Variants in PRDM10 observed in about 807,000 individuals in gnomAD.
PRDM10 encodes the protein PR/SET domain 10, also known as PR domain zinc finger protein 10.
A neutral mutation model predicts 133.1 loss-of-function variants in PRDM10; 65 were observed. The observed-to-expected ratio is 0.49, with a 90% confidence interval of 0.40 to 0.60. PRDM10 has a LOEUF of 0.60. PRDM10 is among the 20% of genes least tolerant of loss of function. The pLI is 0.00. For synonymous variants in PRDM10, 582 were observed against 580.4 expected, an observed-to-expected ratio of 1.00 and a Z score of -0.04; for missense variants, 1,137 against 1,507.1, an observed-to-expected ratio of 0.75 and a Z score of 4.07.
At chr11:129,954,450 A>C (rs535352143) in intron 4 of PRDM10, among the ~76,000 whole-genome samples, 1 of 152,048 alleles carries the variant, frequency 6.6e-6, no homozygotes, top group African/African-American at 2.4e-5. Flanking sequence ...TTTTTAGTAG[A>C]GACAGGGTTT....
chr11:129,934,154 C>A (rs1043070098), intron 9 of PRDM10, among the ~76,000 whole-genome samples: 8 of 152,222 alleles, frequency 5.3e-5, no homozygotes, highest in Non-Finnish European at 2.9e-5. Context: ...AAAGCCACAA[C>A]CCTGTGTAAT....
At chr11:129,950,167 G>A (rs906822603) in intron 4 of PRDM10, among the ~76,000 whole-genome samples, 22 of 152,200 alleles carry the variant, frequency 1.4e-4, no homozygotes, top group African/African-American at 5.1e-4. Flanking sequence ...AGCCCAGGAG[G>A]TTGAGGCTGC....
chr11:129,952,681 T>C (rs780895810), intron 4 of PRDM10, among the ~76,000 whole-genome samples: 5 of 151,976 alleles, frequency 3.3e-5, no homozygotes, highest in Non-Finnish European at 7.4e-5. Flanking sequence ...CATGCCTGGC[T>C]AATTTTTTTA....
chr11:129,908,226 C>CT (rs1820974764), intron 19 of PRDM10, among the ~76,000 whole-genome samples: 2 of 151,742 alleles, frequency 1.3e-5, no homozygotes, highest in African/African-American at 4.8e-5. Context: ...AATACCAGCA[C>CT]TTTGGGAGCC....
At chr11:129,955,758 A>G (rs1383047823) in intron 3 of PRDM10, among the ~76,000 whole-genome samples, 187 bp from the exon 4 acceptor site, 1 of 152,238 alleles carries the variant, frequency 6.6e-6, no homozygotes, top group Non-Finnish European at 1.5e-5. Flanking sequence ...TTTCATTCAC[A>G]TGGCTCCAAA....
chr11:129,902,698 AG>A (rs1284439871), intron 20 of PRDM10, among the ~76,000 whole-genome samples, 182 bp from the exon 21 acceptor site: 1 of 152,168 alleles, frequency 6.6e-6, no homozygotes. Flanking sequence ...GACAAAGATA[AG>A]CTCCTTAAAG....
At position 129,923,128 on chromosome 11, in the gene PRDM10, C is replaced by T; in HGVS notation, c.2034+120G>A. 8.2e-7 allele frequency: 1 copy of T among 1,221,106 alleles called. No homozygotes were observed. Among genetic ancestry groups the T allele is most frequent in the Non-Finnish European group, 1.1e-6 (1 of 911,092 alleles). 75.6% of individuals were successfully genotyped at this position (1,221,106 alleles called of 1,614,324 possible). On this transcript the variant is annotated intron_variant, in intron 13 of 20. Transcript: ENST00000360871. The surrounding 1 kb of genome is among the most constrained non-coding windows in gnomAD (Gnocchi z 4.4). Reference sequence around the variant, plus strand: ...GTCAAACACAAGGCCCAAAGAGTATCTCAGGTCCAGTTCATCAGAGGTGGG... The same window carrying T: ...GTCAAACACAAGGCCCAAAGAGTATTTCAGGTCCAGTTCATCAGAGGTGGG...
chr11:129,980,134 G>A (rs1011371777), intron 1 of PRDM10, among the ~76,000 whole-genome samples: 4 of 152,160 alleles, frequency 2.6e-5, no homozygotes, highest in African/African-American at 9.7e-5. Flanking sequence ...AAACAAGCTG[G>A]CAGTTCCTGG....
intron 4 of PRDM10, among the ~76,000 whole-genome samples, chr11:129,955,184 CA>C (rs1951673577): frequency 6.6e-6 from 1 of 152,002 alleles, no homozygotes; most frequent in Non-Finnish European, 1.5e-5. Flanking sequence ...AGAGCAAGTA[CA>C]AAAGCTATAT....
intron 1 of PRDM10, among the ~76,000 whole-genome samples, chr11:129,994,787 G>A (rs1938960767): frequency 6.6e-6 from 1 of 151,698 alleles, no homozygotes; most frequent in Admixed American, 6.6e-5. Context: ...GAGTAGCTGG[G>A]ACCACAGGTG....
intron 13 of PRDM10, among the ~76,000 whole-genome samples, chr11:129,921,913 T>C (rs1050777628): frequency 6.6e-6 from 1 of 152,190 alleles, no homozygotes; most frequent in Non-Finnish European, 1.5e-5. Flanking sequence ...TGACACAGTC[T>C]TTCACAGACC....
chr11:130,001,356 G>A (rs999235174), intron 1 of PRDM10, among the ~76,000 whole-genome samples: 2 of 152,238 alleles, frequency 1.3e-5, no homozygotes, highest in African/African-American at 4.8e-5. Context: ...GAAACAAAGA[G>A]AACAGGTCAG....
At chr11:129,949,996 G>A (rs1951541361) in intron 4 of PRDM10, among the ~76,000 whole-genome samples, 2 of 124,346 alleles carry the variant, frequency 1.6e-5, no homozygotes, top group Admixed American at 1.1e-4. Context: ...AGCACTCTCC[G>A]AGGTTGAGGC....
At chr11:129,996,089 C>T (rs1005981109) in intron 1 of PRDM10, among the ~76,000 whole-genome samples, 24 of 152,162 alleles carry the variant, frequency 1.6e-4, no homozygotes, top group Non-Finnish European at 2.5e-4. Flanking sequence ...CTGCATTCTA[C>T]GTGAGGGGGC....
At chr11:129,929,505 T>C (rs1284131557) in intron 11 of PRDM10, 7 of 1,251,780 alleles carry the variant, frequency 5.6e-6, no homozygotes, top group Non-Finnish European at 6.7e-6. Flanking sequence ...TCATTACCAA[T>C]CTGGATAGAA....
At chr11:129,980,876 T>G (rs1449709215) in intron 1 of PRDM10, among the ~76,000 whole-genome samples, 1 of 145,464 alleles carries the variant, frequency 6.9e-6, no homozygotes, top group Middle Eastern at 3.5e-3. Context: ...TTTTTTTTTT[T>G]TTTTTTTTTT....
intron 1 of PRDM10, among the ~76,000 whole-genome samples, chr11:129,961,879 T>TAAA (rs1951803583): frequency 6.6e-6 from 1 of 152,170 alleles, no homozygotes; most frequent in South Asian, 2.1e-4. Flanking sequence ...TCATTAAAAA[T>TAAA]ATTAGTTCTA....
At chr11:129,975,655 C>T (rs1302048991) in intron 1 of PRDM10, among the ~76,000 whole-genome samples, 1 of 152,090 alleles carries the variant, frequency 6.6e-6, no homozygotes, top group Non-Finnish European at 1.5e-5. Flanking sequence ...CAAGGCAAAC[C>T]CTGCCTCCCA....
chr11:129,937,443 A>T (rs1951068627), intron 8 of PRDM10, among the ~76,000 whole-genome samples, 155 bp downstream of exon 8: 1 of 152,184 alleles, frequency 6.6e-6, no homozygotes, highest in Non-Finnish European at 1.5e-5. Flanking sequence ...TTGTAGTTTG[A>T]CACTGAATTA....
Sources: gnomAD v4.1 joint callset for allele counts (sites outside exome capture counted in the v4.1 genomes callset) on GRCh38, gnomAD v4.1.1 for gene constraint, Gnocchi (gnomAD v3.1) non-coding constraint, MANE v1.5 for transcripts, NCBI Gene and HGNC (gene_info 2026-07-23, HGNC 2026-07-21) for gene names.